TMEM87B: variants seen among roughly 807,000 people sequenced by gnomAD.
TMEM87B encodes transmembrane protein 87B.
TMEM87B carries 83 observed loss-of-function variants against 80.3 expected under a neutral mutation model. The observed-to-expected ratio is 1.03, with a 90% CI of 0.87 to 1.24. The LOEUF (loss-of-function observed/expected upper bound fraction) is 1.24. Ranked by LOEUF, TMEM87B falls within the 50% of genes most tolerant of loss-of-function variation. The probability of loss-of-function intolerance (pLI) is 0.00; values close to 1 mark genes in which losing one functional copy is unlikely to be tolerated. For synonymous variants in TMEM87B, 219 were observed against 230.5 expected (o/e 0.95, Z 0.45); for missense variants, 625 against 674.4 (o/e 0.93, Z 0.81).
intron 14 of TMEM87B, 58 bp downstream of exon 14, chr2:112,098,756 T>C: frequency 6.6e-7 from 1 of 1,503,958 alleles, no homozygotes; most frequent in Non-Finnish European, 9.2e-7. Flanking sequence ...TTCTATAGTG[T>C]CAAGAACACG....
At chr2:112,067,847 G>A (rs1678482437) in intron 4 of TMEM87B, among the ~76,000 whole-genome samples, 1 of 152,174 alleles carries the variant, frequency 6.6e-6, no homozygotes, top group African/African-American at 2.4e-5. Flanking sequence ...ACCAGCATTT[G>A]ACACATGTCA....
At chr2:112,089,806 A>T (rs999590961) in intron 10 of TMEM87B, 88 bp downstream of exon 10, 4 of 1,302,484 alleles carry the variant, frequency 3.1e-6, no homozygotes, top group Non-Finnish European at 4.4e-6. Flanking sequence ...ATTTTTAGAT[A>T]GAAACTTGTG....
chr2:112,070,224 G>A (rs561616760), intron 4 of TMEM87B, among the ~76,000 whole-genome samples: 1 of 151,936 alleles, frequency 6.6e-6, no homozygotes. Context: ...TGCTTTTTTG[G>A]CAACTTTGTC....
intron 4 of TMEM87B, among the ~76,000 whole-genome samples, chr2:112,067,561 T>C (rs1046630581): frequency 6.6e-6 from 1 of 152,194 alleles, no homozygotes; most frequent in Non-Finnish European, 1.5e-5. Flanking sequence ...ATTGCGCCAC[T>C]GCACTCCAGC....
intron 3 of TMEM87B, 144 bp from the exon 4 acceptor site, chr2:112,066,792 T>C: frequency 1.4e-6 from 1 of 736,088 alleles, no homozygotes; most frequent in Non-Finnish European, 2.1e-6. Context: ...GAAACAGTTT[T>C]TATTTGGTAT....
chr2:112,104,935 A>G (rs1170156221), intron 15 of TMEM87B, among the ~76,000 whole-genome samples: 1 of 152,184 alleles, frequency 6.6e-6, no homozygotes, highest in Admixed American at 6.5e-5. Context: ...TTTATCTTGC[A>G]TGAAAGTGTT....
At chr2:112,076,352 T>A (rs1028457559) in intron 5 of TMEM87B, among the ~76,000 whole-genome samples, 8 of 152,184 alleles carry the variant, frequency 5.3e-5, no homozygotes, top group Admixed American at 5.2e-4. Flanking sequence ...AAAAAGAGGT[T>A]TTTTTGAGAC....
chr2:112,112,468 G>A (rs926314458), intron 17 of TMEM87B, among the ~76,000 whole-genome samples: 4 of 152,044 alleles, frequency 2.6e-5, no homozygotes, highest in South Asian at 2.1e-4. Context: ...TTGTGTAATC[G>A]TCACCCAGAT....
At chr2:112,056,251 TTAAA>T (rs1280183150) in intron 1 of TMEM87B, among the ~76,000 whole-genome samples, 1 of 152,048 alleles carries the variant, frequency 6.6e-6, no homozygotes, top group Middle Eastern at 3.4e-3. Context: ...AAGAAAAAAT[TTAAA>T]TGAGGGGGAA....
chr2:112,110,728 C>A (rs529490447), intron 17 of TMEM87B, among the ~76,000 whole-genome samples: 2 of 152,028 alleles, frequency 1.3e-5, no homozygotes, highest in South Asian at 4.2e-4. Flanking sequence ...GACCTTCTCC[C>A]ACCGCCCCCC....
At chr2:112,075,024 T>A (rs935521361) in intron 5 of TMEM87B, 62 bp downstream of exon 5, 26 of 1,540,986 alleles carry the variant, frequency 1.7e-5, no homozygotes, top group Non-Finnish European at 2.3e-5. Flanking sequence ...CTGAAAAAAG[T>A]CGCTGATGGA....
At chr2:112,105,968 G>C in intron 15 of TMEM87B, 34 bp from the exon 16 acceptor site, 2 of 1,408,524 alleles carry the variant, frequency 1.4e-6, no homozygotes, top group Non-Finnish European at 1.9e-6. Flanking sequence ...ATTATTTTGT[G>C]ATTTTATATA....
At chr2:112,076,870 GTGTGTGTGTGTGTGTGTGTC>G (rs1339244931) in intron 5 of TMEM87B, among the ~76,000 whole-genome samples, 12 of 59,670 alleles carry the variant, frequency 2.0e-4, no homozygotes, top group East Asian at 4.4e-3. Flanking sequence ...GTGTGTGTGT[GTGTGTGTGTGTGTGTGTGTC>G]TGTGTGTGTG....
chr2:112,072,561 G>A (rs1242806470), intron 4 of TMEM87B, among the ~76,000 whole-genome samples: 1 of 152,132 alleles, frequency 6.6e-6, no homozygotes, highest in Non-Finnish European at 1.5e-5. Flanking sequence ...GTGCATAGAG[G>A]CATTGATAGT....
At chr2:112,100,532 T>G (rs936151570) in intron 14 of TMEM87B, 90 bp from the exon 15 acceptor site, 5 of 756,256 alleles carry the variant, frequency 6.6e-6, no homozygotes, top group African/African-American at 1.8e-5. Context: ...TTTTTAAATG[T>G]AGATTTTTTA....
intron 4 of TMEM87B, among the ~76,000 whole-genome samples, chr2:112,068,120 A>G (rs376425869): frequency 7.7e-4 from 118 of 152,308 alleles, no homozygotes; most frequent in African/African-American, 2.5e-3. Context: ...AGGTTGAGGC[A>G]GGAGAATCAC....
chr2:112,111,745 A>G (rs13003299), intron 17 of TMEM87B, among the ~76,000 whole-genome samples: 155 of 152,358 alleles, frequency 1.0e-3, no homozygotes, highest in Non-Finnish European at 1.9e-3. Flanking sequence ...TAAACAGATC[A>G]TGAATAACCA....
chr2:112,102,426 G>T (rs1679655274), intron 15 of TMEM87B, among the ~76,000 whole-genome samples: 1 of 152,220 alleles, frequency 6.6e-6, no homozygotes, highest in African/African-American at 2.4e-5. Flanking sequence ...GGGTGCGGTG[G>T]CTCATGCCTG....
rs149642136 is a variant in TMEM87B at position 112,107,808 on chromosome 2, A to G, written c.1545A>G (p.Val515=). ...TACAGGATGAAGATTTGAAGTGGGT[A>G]GAAGAAAATATTCCCTCTTCATTCA... ...SENFDEDLKW[V]EENIPSSFTD... Residue 515 remains valine (V), a synonymous_variant, in exon 17 of 19, where the codon GTA becomes GTG. Transcript: ENST00000283206. 2.0e-5 allele frequency: 31 copies of G among 1,581,428 alleles called. No homozygotes were observed. The highest frequency in any genetic ancestry group is 2.5e-5 in the Non-Finnish European group (29 of 1,157,746).
Sources: gnomAD v4.1 joint callset for allele counts (sites outside exome capture counted in the v4.1 genomes callset) on GRCh38, gnomAD v4.1.1 for gene constraint, MANE v1.5 for transcripts, NCBI Gene and HGNC (gene_info 2026-07-23, HGNC 2026-07-21) for gene names.